The following LEPR variants were observed in gnomAD, a reference collection of about 807,000 sequenced individuals.
LEPR encodes OB receptor.
A neutral mutation model predicts 114.7 loss-of-function variants in LEPR; 56 were observed. The ratio of observed to expected loss-of-function variants is 0.49; its 90% CI spans 0.39 to 0.61. The LOEUF (loss-of-function observed/expected upper bound fraction) is 0.61. Ranked by LOEUF, LEPR falls within the 20% of genes least tolerant of loss-of-function variation. The pLI is 0.00. For missense variants in LEPR, 1,202 were observed against 1,352.9 expected, an observed-to-expected ratio of 0.89 and a Z score of 1.75; for synonymous variants, 443 against 461.4, an observed-to-expected ratio of 0.96 and a Z score of 0.51.
At chr1:65,588,744 T>C (rs1655492362) in intron 5 of LEPR, among the ~76,000 whole-genome samples, 1 of 152,132 alleles carries the variant, frequency 6.6e-6, no homozygotes, top group African/African-American at 2.4e-5. Flanking sequence ...GATTCATTAA[T>C]GTTGTTTATA....
chr1:65,440,781 C>T (rs1357666262), intron 2 of LEPR, among the ~76,000 whole-genome samples: 1 of 152,086 alleles, frequency 6.6e-6, no homozygotes, highest in Non-Finnish European at 1.5e-5. Context: ...AGATGAGACG[C>T]CACTAGAGAT....
In LEPR at chr1:65,440,130, T is replaced by C. The variant is rs180752466; in HGVS notation, c.-21+14752T>C. Among the ~76,000 whole-genome samples the C allele has an allele frequency of 2.0e-5, 3 of 151,942 alleles. No homozygotes were observed. In the East Asian group the frequency reaches 5.8e-4, roughly 29 times the overall value. Reference sequence around the variant, plus strand: ...ATTTAAATAGGGTGGATAGAGACGATTGGTGGCTGAATAGAGCTATTGAAT... The same window carrying C: ...ATTTAAATAGGGTGGATAGAGACGACTGGTGGCTGAATAGAGCTATTGAAT... On this transcript the variant is annotated intron_variant, in intron 2 of 19. Transcript: ENST00000349533.
chr1:65,490,123 T>G (rs1020196662), intron 2 of LEPR, among the ~76,000 whole-genome samples: 1 of 152,078 alleles, frequency 6.6e-6, no homozygotes, highest in Non-Finnish European at 1.5e-5. Flanking sequence ...ATTATAGTGA[T>G]TACTGTGAGG....
At chr1:65,549,600 C>A (rs377322142) in intron 2 of LEPR, among the ~76,000 whole-genome samples, 2 of 152,254 alleles carry the variant, frequency 1.3e-5, no homozygotes, top group South Asian at 4.1e-4. Flanking sequence ...TCCAGTTGAT[C>A]GCATTGGCTC....
intron 2 of LEPR, chr1:65,432,748 C>A (rs138179297): frequency 3.5e-6 from 2 of 572,028 alleles, no homozygotes; most frequent in East Asian, 1.4e-4. Context: ...ATCACTTGCA[C>A]AGCATGCTAA....
intron 2 of LEPR, among the ~76,000 whole-genome samples, chr1:65,437,901 G>C (rs1646586845): frequency 6.6e-6 from 1 of 151,574 alleles, no homozygotes; most frequent in Non-Finnish European, 1.5e-5. Flanking sequence ...ACCTTAACCT[G>C]AGCGCAAGGG....
At chr1:65,517,845 T>C (rs1033757446) in intron 2 of LEPR, among the ~76,000 whole-genome samples, 8 of 152,240 alleles carry the variant, frequency 5.3e-5, no homozygotes, top group African/African-American at 1.9e-4. Context: ...GTTAGAAAGT[T>C]ATTCCTCAGT....
At chr1:65,432,474 T>G (rs1570437297) in intron 2 of LEPR, 1 of 596,318 alleles carries the variant, frequency 1.7e-6, no homozygotes, top group Non-Finnish European at 2.1e-6. Context: ...TTGAGAAGCA[T>G]CATCATAGAG....
chr1:65,598,913 C>T, intron 8 of LEPR, 109 bp downstream of exon 8: 2 of 1,505,850 alleles, frequency 1.3e-6, no homozygotes, highest in Non-Finnish European at 1.8e-6. Context: ...AAAGGAGGAA[C>T]ACAGTATCAA....
At chr1:65,550,220 C>T (rs1377915740) in intron 2 of LEPR, among the ~76,000 whole-genome samples, 1 of 152,146 alleles carries the variant, frequency 6.6e-6, no homozygotes, top group Non-Finnish European at 1.5e-5. Context: ...TCGGTCTGCC[C>T]CTACTGGGGG....
At chr1:65,549,633 G>A (rs371091200) in intron 2 of LEPR, among the ~76,000 whole-genome samples, 7 of 152,022 alleles carry the variant, frequency 4.6e-5, no homozygotes, top group Admixed American at 3.9e-4. Context: ...CATTCTTCAC[G>A]TAGTTCTCGA....
chr1:65,606,263 C>T (rs993587822), intron 11 of LEPR, among the ~76,000 whole-genome samples: 2 of 151,970 alleles, frequency 1.3e-5, no homozygotes, highest in African/African-American at 4.8e-5. Context: ...ACTTAATATC[C>T]CAGGATAGCA....
chr1:65,506,850 T>C lies in LEPR; in HGVS notation c.-20-58696T>C, dbSNP rs998815686. Among the ~76,000 whole-genome samples, 5 of 152,272 alleles carry C rather than the reference T, an allele frequency of 3.3e-5. No individual in the cohort carries two copies. In the East Asian group the frequency reaches 9.7e-4, roughly 29 times the overall value. On this transcript the variant is annotated intron_variant, in intron 2 of 19. Transcript: ENST00000349533. Reference sequence around the variant, plus strand: ...TTTGAAATATGCAATACATTATTATTGCAGTCAGTATGCTGTCCAATAGAA... The same window carrying C: ...TTTGAAATATGCAATACATTATTATCGCAGTCAGTATGCTGTCCAATAGAA...
intron 6 of LEPR, among the ~76,000 whole-genome samples, chr1:65,595,390 G>A (rs1172545461): frequency 2.0e-5 from 3 of 152,016 alleles, no homozygotes; most frequent in South Asian, 2.1e-4. Flanking sequence ...TTTACAGTAT[G>A]CAGATAGGAA....
intron 16 of LEPR, among the ~76,000 whole-genome samples, chr1:65,618,550 T>TG (rs1342556664): frequency 9.2e-5 from 14 of 152,118 alleles, no homozygotes; most frequent in Non-Finnish European, 7.4e-5. Context: ...AGGCTGGTCT[T>TG]GAACTCCTAA....
At chr1:65,427,267 A>C (rs1012941679) in intron 2 of LEPR, among the ~76,000 whole-genome samples, 9 of 152,152 alleles carry the variant, frequency 5.9e-5, no homozygotes, top group African/African-American at 1.9e-4. Flanking sequence ...AGACTTACCC[A>C]GATTGAACAG....
intron 2 of LEPR, among the ~76,000 whole-genome samples, chr1:65,520,357 G>C (rs1649567818): frequency 6.6e-6 from 1 of 152,094 alleles, no homozygotes. Context: ...TTTACCCCAA[G>C]ATAACTTTGC....
At position 65,449,720 on chromosome 1, in the gene LEPR, A is replaced by AT. The variant is rs987604946; in HGVS notation, c.-21+24350dup. Among the ~76,000 whole-genome samples the AT allele has an allele frequency of 4.1e-5, 6 of 146,072 alleles. No individual in the cohort carries two copies. The South Asian group carries it at 6.5e-4, about 16-fold the overall frequency. ...TTTTAAATAGCTTTTAGTTTCATTG[A>AT]TTTTTTTTCTATTGATTTTCTGTTT... On this transcript the variant is annotated intron_variant, in intron 2 of 19. Transcript: ENST00000349533.
rs750814091 is a variant in LEPR, at chr1:65,633,202, T to A, written c.2674-2989T>A. ...TCATGATCACTACAGATGAACCCAATGTGCCAACTTCCCAACAGTCTATAG... is the reference window on the plus strand; with the variant it reads ...TCATGATCACTACAGATGAACCCAAAGTGCCAACTTCCCAACAGTCTATAG... On this transcript the variant is annotated intron_variant, in intron 19 of 19. Coordinates refer to ENST00000349533, the MANE Select transcript of LEPR (RefSeq NM_002303.6). This position sits in a 1 kb window ranked among gnomAD's most constrained non-coding sequence, Gnocchi z 4.1. The A allele has an allele frequency of 6.2e-7, 1 of 1,609,824 alleles. No homozygotes were observed. The highest frequency in any genetic ancestry group is 8.5e-7 in the Non-Finnish European group (1 of 1,177,918).
Sources: gnomAD v4.1 joint callset for allele counts (sites outside exome capture counted in the v4.1 genomes callset) on GRCh38, gnomAD v4.1.1 for gene constraint, Gnocchi (gnomAD v3.1) non-coding constraint, MANE v1.5 for transcripts, NCBI Gene and HGNC (gene_info 2026-07-23, HGNC 2026-07-21) for gene names.